MYOM2: variants seen among roughly 807,000 people sequenced by gnomAD.
MYOM2 encodes the protein myomesin 2, also known as myomesin-2.
MYOM2 carries 254 observed loss-of-function variants against 187.6 expected under a neutral mutation model. The ratio of observed to expected loss-of-function variants is 1.35; its 90% confidence interval spans 1.22 to 1.50. The LOEUF is 1.50. Among genes scored for constraint, MYOM2 ranks in the 40% most tolerant of loss-of-function variants. The pLI is 0.00. For synonymous variants in MYOM2, 981 were observed against 753.8 expected (o/e 1.30, Z -4.94); for missense variants, 2,796 against 1,924.0 (o/e 1.45, Z -8.48).
chr8:2,069,367 G>C lies in MYOM2; in HGVS notation c.742+1G>C, dbSNP rs760667306. On this transcript the variant is annotated splice_donor_variant, in intron 7 of 36. Coordinates refer to ENST00000262113, the MANE Select transcript of MYOM2 (RefSeq NM_003970.4). LOFTEE classifies it high-confidence loss of function. The stretch of plus-strand genomic sequence containing the variant: ...ACCAACGCGGCGGTGGTGGTGAGAA[G>C]TGAGTGCCGGGTGGGCTTTCACGGG... The C allele has an allele frequency of 3.1e-6, 5 of 1,613,938 alleles. No homozygotes were observed. Among genetic ancestry groups the C allele is most frequent in the Non-Finnish European group, 4.2e-6 (5 of 1,179,932 alleles).
intron 28 of MYOM2, among the ~76,000 whole-genome samples, chr8:2,121,263 A>G (rs559375451): frequency 1.3e-5 from 2 of 152,094 alleles, no homozygotes; most frequent in Non-Finnish European, 2.9e-5. Context: ...TGACTTGGTT[A>G]TGGTGCTGGT....
At chr8:2,056,506 G>A (rs188060698) in intron 3 of MYOM2, among the ~76,000 whole-genome samples, 2 of 139,992 alleles carry the variant, frequency 1.4e-5, no homozygotes, top group East Asian at 2.5e-4. Context: ...TGTGAGCCGC[G>A]ACGATGTGAA....
rs558312655 is a variant in MYOM2 at position 2,055,936 on chromosome 8, G to A, written c.264-1412G>A. Among the ~76,000 whole-genome samples the A allele has an allele frequency of 4.2e-3, 637 of 152,156 alleles. 2 individuals carry two copies. Among genetic ancestry groups the A allele is most frequent in the African/African-American group, 0.014 (596 of 41,514 alleles). On this transcript the variant is annotated intron_variant, in intron 3 of 36. Coordinates refer to ENST00000262113, the MANE Select transcript of MYOM2 (RefSeq NM_003970.4). ...GCTCGTGCACAGTGCCACAGGCGGC[G>A]CTCCGGCTCGGCCACCTTTCCCTCC...
Position 2,051,302 on chromosome 8 carries a change from A to G in MYOM2, c.107+429A>G, listed in dbSNP as rs370875478. ...CAATATTAGTGATTTGGCTACATCG[A>G]TCATGGATGTGCCGAGATCAAGAAT... On this transcript the variant is annotated intron_variant, in intron 2 of 36. Coordinates refer to ENST00000262113, the MANE Select transcript of MYOM2 (RefSeq NM_003970.4). Among the ~76,000 whole-genome samples the G allele has an allele frequency of 9.2e-5, 14 of 152,160 alleles. No homozygotes were observed. In the East Asian group the frequency reaches 9.6e-4, roughly 10 times the overall value.
At chr8:2,086,900 G>T (rs10102743) in intron 14 of MYOM2, among the ~76,000 whole-genome samples, 1 of 152,106 alleles carries the variant, frequency 6.6e-6, no homozygotes, top group East Asian at 1.9e-4. Flanking sequence ...CACACAAGAC[G>T]CAGAAGGGTT....
intron 29 of MYOM2, 80 bp downstream of exon 29, chr8:2,123,445 T>C (rs965729455): frequency 1.8e-5 from 27 of 1,473,908 alleles, no homozygotes; most frequent in Admixed American, 3.5e-5. Flanking sequence ...AATCCTCTAA[T>C]TTGCATCCTG....
chr8:2,096,640 A>G (rs1796498523), intron 18 of MYOM2, among the ~76,000 whole-genome samples: 1 of 152,170 alleles, frequency 6.6e-6, no homozygotes, highest in Non-Finnish European at 1.5e-5. Context: ...TGAAGAAGGG[A>G]GCTCAGTGAT....
At chr8:2,117,293 A>G (rs1797281654) in intron 27 of MYOM2, among the ~76,000 whole-genome samples, 2 of 152,154 alleles carry the variant, frequency 1.3e-5, no homozygotes, top group Non-Finnish European at 1.5e-5. Flanking sequence ...TCTGCTTTGT[A>G]TTTTTGCATT....
intron 14 of MYOM2, among the ~76,000 whole-genome samples, chr8:2,085,678 T>A (rs1438637804): frequency 1.7e-4 from 3 of 17,976 alleles, no homozygotes; most frequent in Non-Finnish European, 1.9e-4. Flanking sequence ...GTGGCCCCAC[T>A]GTCGTGATCT....
chr8:2,073,550 G>C, intron 10 of MYOM2, 50 bp downstream of exon 10: 1 of 1,535,178 alleles, frequency 6.5e-7, no homozygotes. Context: ...TGCCCGGGGA[G>C]GGGAGGCAGC....
At chr8:2,126,156 G>A (rs955944662) in intron 31 of MYOM2, among the ~76,000 whole-genome samples, 7 of 152,190 alleles carry the variant, frequency 4.6e-5, no homozygotes, top group Non-Finnish European at 1.0e-4. Context: ...CTCACTGTGT[G>A]CTTGTCACCT....
chr8:2,135,042 C>G (rs1469630113), intron 32 of MYOM2, among the ~76,000 whole-genome samples: 2 of 152,184 alleles, frequency 1.3e-5, no homozygotes, highest in African/African-American at 4.8e-5. Context: ...GTACTAGAAT[C>G]TGATTGGATC....
intron 34 of MYOM2, among the ~76,000 whole-genome samples, chr8:2,141,751 C>G (rs62501379): frequency 0.15 from 23,490 of 152,026 alleles, 2,142 homozygotes; most frequent in Middle Eastern, 0.26. Context: ...CTGACATTAG[C>G]CCTTAAGCTG....
chr8:2,076,732 C>T (rs979631146), intron 11 of MYOM2: 1 of 154,808 alleles, frequency 6.5e-6, no homozygotes, highest in African/African-American at 2.4e-5. Flanking sequence ...CTTTTCTCTA[C>T]TGAGGAATAA....
At chr8:2,142,213 C>G (rs192367102) in intron 34 of MYOM2, among the ~76,000 whole-genome samples, 162 bp from the exon 35 acceptor site, 75 of 152,296 alleles carry the variant, frequency 4.9e-4, no homozygotes, top group African/African-American at 1.7e-3. Flanking sequence ...TGATATCCAT[C>G]CTGGGGTCCT....
intron 20 of MYOM2, chr8:2,102,016 G>C (rs1334619673): frequency 6.6e-6 from 1 of 152,324 alleles, no homozygotes; most frequent in Admixed American, 6.5e-5. Flanking sequence ...TCTGGGTGCT[G>C]GGCCCTGTGG....
chr8:2,097,786 G>T (rs1796544434), intron 18 of MYOM2, among the ~76,000 whole-genome samples: 1 of 152,278 alleles, frequency 6.6e-6, no homozygotes, highest in South Asian at 2.1e-4. Flanking sequence ...CAAAGTGCGG[G>T]GATTACAGGC....
At chr8:2,085,519 C>CACTGTCGTGATCTCTG (rs1429700523) in intron 14 of MYOM2, 129 bp downstream of exon 14, 1 of 712,950 alleles carries the variant, frequency 1.4e-6, no homozygotes, top group Non-Finnish European at 2.1e-6. Context: ...CGCGTGGCCC[C>CACTGTCGTGATCTCTG]CCACTGTTGT....
intron 28 of MYOM2, among the ~76,000 whole-genome samples, chr8:2,122,807 G>T (rs1222961586): frequency 6.6e-6 from 1 of 152,152 alleles, no homozygotes; most frequent in Non-Finnish European, 1.5e-5. Flanking sequence ...TTTGTGTTAA[G>T]ATTTCATTTT....
Sources: gnomAD v4.1 joint callset for allele counts (sites outside exome capture counted in the v4.1 genomes callset) on GRCh38, gnomAD v4.1.1 for gene constraint, MANE v1.5 for transcripts, NCBI Gene and HGNC (gene_info 2026-07-23, HGNC 2026-07-21) for gene names.